Variants in DLG2 observed in about 807,000 individuals in gnomAD.
The protein encoded by DLG2 is disks large homolog 2.
A neutral mutation model predicts 132.5 loss-of-function variants in DLG2; 45 were observed. The ratio of observed to expected loss-of-function variants is 0.34; its 90% CI spans 0.27 to 0.44. The LOEUF is 0.44. DLG2 is among the 20% of genes least tolerant of loss of function. DLG2 has a pLI of 1.00. For missense variants in DLG2, 1,045 were observed against 1,196.9 expected, an observed-to-expected ratio of 0.87 and a Z score of 1.87; for synonymous variants, 424 against 419.6, an observed-to-expected ratio of 1.01 and a Z score of -0.13.
At chr11:85,298,907 C>A (rs1173938529) in intron 3 of DLG2, among the ~76,000 whole-genome samples, 1 of 152,030 alleles carries the variant, frequency 6.6e-6, no homozygotes, top group Non-Finnish European at 1.5e-5. Flanking sequence ...CTGTACTGTA[C>A]TTTCACATTT....
intron 7 of DLG2, among the ~76,000 whole-genome samples, chr11:84,379,488 C>T (rs1251744797): frequency 1.3e-5 from 2 of 151,974 alleles, no homozygotes; most frequent in African/African-American, 2.4e-5. Flanking sequence ...CTCTGGAAGA[C>T]ACCACAGAGG....
chr11:84,133,337 T>C (rs1473487764), intron 9 of DLG2, among the ~76,000 whole-genome samples: 4 of 151,994 alleles, frequency 2.6e-5, no homozygotes, highest in Non-Finnish European at 4.4e-5. Context: ...GTTTTAGAGG[T>C]GTAACTGAGG....
At chr11:84,524,144 G>T (rs932976619) in intron 7 of DLG2, among the ~76,000 whole-genome samples, 2 of 152,178 alleles carry the variant, frequency 1.3e-5, no homozygotes, top group African/African-American at 2.4e-5. Flanking sequence ...AATGCTTTAA[G>T]AAAGTTTACG....
chr11:83,923,174 T>C (rs2078265998), intron 15 of DLG2, among the ~76,000 whole-genome samples: 1 of 152,136 alleles, frequency 6.6e-6, no homozygotes, highest in Non-Finnish European at 1.5e-5. Flanking sequence ...ACCTGATTTG[T>C]GATAGCAACA....
intron 6 of DLG2, among the ~76,000 whole-genome samples, chr11:84,890,119 A>T (rs2089091476): frequency 6.6e-6 from 1 of 152,222 alleles, no homozygotes; most frequent in Non-Finnish European, 1.5e-5. Flanking sequence ...TTTATTTTCT[A>T]GATGGCAAAA....
At chr11:85,081,696 T>G (rs1359986645) in intron 6 of DLG2, among the ~76,000 whole-genome samples, 1 of 152,212 alleles carries the variant, frequency 6.6e-6, no homozygotes, top group African/African-American at 2.4e-5. Flanking sequence ...GCAACTTTAA[T>G]GTAAGCTATT....
chr11:84,946,651 A>G (rs2050237083), intron 6 of DLG2, among the ~76,000 whole-genome samples: 2 of 152,024 alleles, frequency 1.3e-5, no homozygotes, highest in Non-Finnish European at 2.9e-5. Flanking sequence ...GAGCAACTAT[A>G]GAGCTGTTTG....
At chr11:85,180,852 G>C (rs2152511595) in intron 4 of DLG2, among the ~76,000 whole-genome samples, 1 of 151,666 alleles carries the variant, frequency 6.6e-6, no homozygotes, top group East Asian at 1.9e-4. Context: ...TTCTGTCTTG[G>C]ATAAAGAAAC....
chr11:84,094,061 C>A (rs2097134517), intron 10 of DLG2, among the ~76,000 whole-genome samples: 1 of 151,596 alleles, frequency 6.6e-6, no homozygotes, highest in African/African-American at 2.4e-5. Context: ...ATGCTGGTAA[C>A]AGTGGGTCTT....
At chr11:84,893,356 G>A (rs915229343) in intron 6 of DLG2, among the ~76,000 whole-genome samples, 1 of 152,152 alleles carries the variant, frequency 6.6e-6, no homozygotes. Context: ...CCATCTCTGC[G>A]GGTGTGTGTA....
At chr11:83,862,485 C>A (rs2061608467) in intron 16 of DLG2, among the ~76,000 whole-genome samples, 1 of 151,286 alleles carries the variant, frequency 6.6e-6, no homozygotes, top group Non-Finnish European at 1.5e-5. Context: ...TTAATGGGTA[C>A]AAAAATATAT....
chr11:84,457,464 T>A (rs1362116111), intron 7 of DLG2, among the ~76,000 whole-genome samples: 2 of 151,092 alleles, frequency 1.3e-5, no homozygotes, highest in Non-Finnish European at 3.0e-5. Flanking sequence ...GACAGTATAT[T>A]ACAAAGTGCT....
At chr11:84,127,194 C>T (rs1455274910) in intron 9 of DLG2, among the ~76,000 whole-genome samples, 1 of 152,166 alleles carries the variant, frequency 6.6e-6, no homozygotes, top group East Asian at 1.9e-4. Context: ...TGCATGACTT[C>T]AGAGAGTGCG....
chr11:85,562,579 T>C (rs982627971), intron 3 of DLG2, among the ~76,000 whole-genome samples: 2 of 151,866 alleles, frequency 1.3e-5, no homozygotes, highest in African/African-American at 2.4e-5. Flanking sequence ...CAGGATCTAA[T>C]CCAGAAGCTC....
intron 6 of DLG2, among the ~76,000 whole-genome samples, chr11:84,821,389 A>G (rs755981915): frequency 6.6e-6 from 1 of 151,826 alleles, no homozygotes; most frequent in African/African-American, 2.4e-5. Flanking sequence ...TTGTCATTAT[A>G]GAGTAGAAGA....
chr11:83,850,160 G>GTGTGTGTGTGTGTTTTTT (rs1452960432), intron 16 of DLG2, among the ~76,000 whole-genome samples: 2 of 124,302 alleles, frequency 1.6e-5, no homozygotes, highest in African/African-American at 7.2e-5. Flanking sequence ...GTGTGTGTGT[G>GTGTGTGTGTGTGTTTTTT]TTTTTTTACT....
chr11:83,561,926 G>C (rs917542300), intron 19 of DLG2, among the ~76,000 whole-genome samples: 17 of 109,360 alleles, frequency 1.6e-4, no homozygotes, highest in Middle Eastern at 0.011. Context: ...GTCTTGCTCT[G>C]TCACCAGGCT....
chr11:83,684,826 G>C (rs983879503), intron 18 of DLG2, among the ~76,000 whole-genome samples: 1 of 151,970 alleles, frequency 6.6e-6, no homozygotes, highest in Non-Finnish European at 1.5e-5. Context: ...ATCATTCCAT[G>C]AAAAATTAAT....
At chr11:84,672,901 G>A (rs1284289576) in intron 6 of DLG2, among the ~76,000 whole-genome samples, 1 of 152,130 alleles carries the variant, frequency 6.6e-6, no homozygotes, top group Non-Finnish European at 1.5e-5. Flanking sequence ...ATCTGGGAAG[G>A]CCTCAGGGAG....
Sources: gnomAD v4.1 joint callset for allele counts (sites outside exome capture counted in the v4.1 genomes callset) on GRCh38, gnomAD v4.1.1 for gene constraint, MANE v1.5 for transcripts, NCBI Gene and HGNC (gene_info 2026-07-23, HGNC 2026-07-21) for gene names.